Variants in PIBF1 observed in about 807,000 individuals in gnomAD.
The protein encoded by PIBF1 is progesterone-induced-blocking factor 1.
A neutral mutation model predicts 112.5 loss-of-function variants in PIBF1; 90 were observed. The ratio of observed to expected loss-of-function variants is 0.80; its 90% CI spans 0.67 to 0.95. The LOEUF is 0.95. PIBF1 is among the 40% of genes least tolerant of loss of function. The probability of loss-of-function intolerance (pLI) is 0.00; values close to 1 mark genes in which losing one functional copy is unlikely to be tolerated. For synonymous variants in PIBF1, 301 were observed against 288.6 expected (o/e 1.04, Z -0.44); for missense variants, 915 against 852.3 (o/e 1.07, Z -0.92).
At chr13:72,791,757 T>G (rs2034942571) in intron 2 of PIBF1, among the ~76,000 whole-genome samples, 1 of 151,860 alleles carries the variant, frequency 6.6e-6, no homozygotes, top group Non-Finnish European at 1.5e-5. Context: ...CTCAGCCTCC[T>G]GAGTAGCTGT....
At chr13:72,974,032 T>G (rs190556981) in intron 16 of PIBF1, 1 of 278,256 alleles carries the variant, frequency 3.6e-6, no homozygotes, top group East Asian at 5.9e-5. Context: ...TGTGTTGAGC[T>G]TTAAAGTTCA....
chr13:72,866,485 A>G (rs570906728), intron 10 of PIBF1, among the ~76,000 whole-genome samples: 1 of 152,190 alleles, frequency 6.6e-6, no homozygotes, highest in South Asian at 2.1e-4. Context: ...CTATCTTTCA[A>G]CCTACTAGCT....
intron 14 of PIBF1, among the ~76,000 whole-genome samples, chr13:72,940,538 C>A (rs1182724579): frequency 1.3e-5 from 2 of 152,106 alleles, no homozygotes; most frequent in African/African-American, 4.8e-5. Flanking sequence ...TGTTCAGCTT[C>A]TTTGCATATG....
At chr13:72,854,854 G>C (rs1316401287) in intron 10 of PIBF1, among the ~76,000 whole-genome samples, 1 of 150,550 alleles carries the variant, frequency 6.6e-6, no homozygotes, top group Non-Finnish European at 1.5e-5. Context: ...TCTAAAGTAT[G>C]TGTTTTGGAA....
Position 73,016,003 on chromosome 13 carries a change from G to C in PIBF1, c.*84G>C. On this transcript the variant is annotated 3_prime_UTR_variant, in exon 18 of 18. Transcript: ENST00000326291. ...GGAAAACAAAATTCAGCTTAATCGT[G>C]TACTCAGCATTTTTTAAATAACAAT... The C allele has an allele frequency of 1.6e-6, 1 of 640,294 alleles. No homozygotes were observed. Among genetic ancestry groups the C allele is most frequent in the Non-Finnish European group, 2.5e-6 (1 of 392,896 alleles). 39.7% of individuals were successfully genotyped at this position (640,294 alleles called of 1,614,324 possible). A position where few individuals can be genotyped will look rare whatever the true frequency, so the allele number is the denominator to read the frequency against.
intron 12 of PIBF1, 101 bp from the exon 13 acceptor site, chr13:72,916,975 A>G (rs2041123645): frequency 1.6e-6 from 1 of 611,086 alleles, no homozygotes; most frequent in Non-Finnish European, 2.7e-6. Context: ...TAATGTTTTT[A>G]TCCTCCCTAA....
chr13:72,958,048 T>C (rs1199599058), intron 14 of PIBF1, among the ~76,000 whole-genome samples: 1 of 151,724 alleles, frequency 6.6e-6, no homozygotes. Context: ...TGGGAAAATC[T>C]CTTGAGCCGA....
At chr13:72,929,242 C>T (rs895757426) in intron 13 of PIBF1, among the ~76,000 whole-genome samples, 3 of 152,146 alleles carry the variant, frequency 2.0e-5, no homozygotes, top group Non-Finnish European at 4.4e-5. Context: ...TAATGATAAA[C>T]TGATGCTTGC....
At chr13:72,908,776 C>A in intron 12 of PIBF1, 95 bp downstream of exon 12, 1 of 1,138,274 alleles carries the variant, frequency 8.8e-7, no homozygotes. Context: ...GGATCAGGCA[C>A]GGTGGCTCAT....
At chr13:72,800,565 T>A (rs2035420711) in intron 5 of PIBF1, among the ~76,000 whole-genome samples, 1 of 152,220 alleles carries the variant, frequency 6.6e-6, no homozygotes, top group Admixed American at 6.5e-5. Context: ...ATAGGGACGA[T>A]AACATGTAAC....
At chr13:72,997,658 C>G (rs561815947) in intron 16 of PIBF1, among the ~76,000 whole-genome samples, 1 of 152,272 alleles carries the variant, frequency 6.6e-6, no homozygotes, top group African/African-American at 2.4e-5. Flanking sequence ...TGACACAGAG[C>G]TGGTGTCTAT....
intron 16 of PIBF1, among the ~76,000 whole-genome samples, chr13:72,978,685 T>C (rs1019221920): frequency 6.6e-6 from 1 of 152,224 alleles, no homozygotes; most frequent in Non-Finnish European, 1.5e-5. Flanking sequence ...AATAACTTTA[T>C]CTGTTTCCTT....
At chr13:72,962,273 A>G (rs1191818683) in intron 14 of PIBF1, among the ~76,000 whole-genome samples, 1 of 152,184 alleles carries the variant, frequency 6.6e-6, no homozygotes, top group Non-Finnish European at 1.5e-5. Flanking sequence ...ACAGTCTGAC[A>G]AAGGAAATTA....
intron 14 of PIBF1, among the ~76,000 whole-genome samples, chr13:72,945,474 A>G (rs1289901611): frequency 6.6e-6 from 1 of 152,204 alleles, no homozygotes; most frequent in Non-Finnish European, 1.5e-5. Flanking sequence ...ACTGCTTTCC[A>G]CAATGGCTGA....
At chr13:72,973,468 G>T in intron 15 of PIBF1, 123 bp from the exon 16 acceptor site, 7 of 531,114 alleles carry the variant, frequency 1.3e-5, no homozygotes, top group Non-Finnish European at 9.9e-6. Context: ...GAATATTTAT[G>T]GACTATAAAT....
intron 17 of PIBF1, among the ~76,000 whole-genome samples, chr13:73,015,344 A>G (rs951074798): frequency 1.3e-5 from 2 of 152,096 alleles, no homozygotes; most frequent in African/African-American, 2.4e-5. Context: ...TTATTCTGTA[A>G]TTCACCTCCC....
chr13:72,879,965 G>T (rs555052694), intron 10 of PIBF1, among the ~76,000 whole-genome samples: 5 of 152,126 alleles, frequency 3.3e-5, no homozygotes, highest in African/African-American at 1.2e-4. Context: ...AAACTTTTTG[G>T]CCCACAAAGC....
chr13:72,853,911 A>G (rs904027649), intron 9 of PIBF1, 146 bp from the exon 10 acceptor site: 3 of 607,330 alleles, frequency 4.9e-6, no homozygotes, highest in Admixed American at 2.9e-5. Context: ...TAGATACTCA[A>G]CCAAGCCAAG....
At chr13:72,942,283 A>C (rs755613210) in intron 14 of PIBF1, among the ~76,000 whole-genome samples, 307 of 150,970 alleles carry the variant, frequency 2.0e-3, no homozygotes, top group Non-Finnish European at 3.5e-3. Flanking sequence ...AAAAAAAAAA[A>C]CCCACTGTTT....
Sources: gnomAD v4.1 joint callset for allele counts (sites outside exome capture counted in the v4.1 genomes callset) on GRCh38, gnomAD v4.1.1 for gene constraint, MANE v1.5 for transcripts, NCBI Gene and HGNC (gene_info 2026-07-23, HGNC 2026-07-21) for gene names.